The following KIDINS220 variants were observed in gnomAD, a reference collection of about 807,000 sequenced individuals.
KIDINS220 encodes kinase D-interacting substrate of 220 kDa.
KIDINS220 carries 63 observed loss-of-function variants against 157.6 expected under a neutral mutation model. The ratio of observed to expected loss-of-function variants is 0.40; its 90% CI spans 0.33 to 0.49. The LOEUF is 0.49. Among genes scored for constraint, KIDINS220 ranks in the 20% least tolerant of loss-of-function variants. The probability of loss-of-function intolerance (pLI) is 0.66; values close to 1 mark genes in which losing one functional copy is unlikely to be tolerated. For missense variants in KIDINS220, 1,772 were observed against 2,171.2 expected (o/e 0.82, Z 3.65); for synonymous variants, 732 against 783.6 (o/e 0.93, Z 1.10).
chr2:8,747,880 T>C lies in KIDINS220; in HGVS notation c.3528+7A>G, dbSNP rs779841984. ...TTAATATTTGCGTTACCCTTTTATA[T>C]ACTTACTAGGCCATTGTTCTGATCT... On this transcript the variant is annotated splice_region_variant and intron_variant, in intron 25 of 29. Coordinates refer to ENST00000256707, the MANE Select transcript of KIDINS220 (RefSeq NM_020738.4). 2.6e-6 allele frequency: 4 copies of C among 1,536,160 alleles called. No individual in the cohort carries two copies. Among genetic ancestry groups the C allele is most frequent in the Non-Finnish European group, 3.5e-6 (4 of 1,129,668 alleles).
chr2:8,758,853 C>T (rs112066354), intron 22 of KIDINS220, among the ~76,000 whole-genome samples: 1 of 152,150 alleles, frequency 6.6e-6, no homozygotes, highest in Non-Finnish European at 1.5e-5. Context: ...AAAGTAGACA[C>T]TTTGTCTGCC....
At chr2:8,745,347 G>T (rs1666395516) in intron 26 of KIDINS220, among the ~76,000 whole-genome samples, 1 of 152,196 alleles carries the variant, frequency 6.6e-6, no homozygotes, top group African/African-American at 2.4e-5. Context: ...GCACTGAAGA[G>T]AATTATTGTG....
rs1352497028 is a variant in KIDINS220 at position 8,730,982 on chromosome 2, A to C, written c.5054T>G (p.Leu1685Arg). 6.2e-7 allele frequency: 1 copy of C among 1,614,230 alleles called. No individual in the cohort carries two copies. The highest frequency in any genetic ancestry group is 8.5e-7 in the Non-Finnish European group (1 of 1,180,048). The part of the protein sequence containing the change: ...NLNRTPSTVT[L>R]NNNSAPANRA... ...GTTGGCTGGAGCACTATTGTTGTTC[A>C]GAGTCACGGTGCTGGGAGTTCGGTT... Residue 1685 changes from leucine to arginine, a missense_variant, in exon 30 of 30, where the codon CTG becomes CGG. Leu to Arg is a moderately radical substitution (Grantham distance 102). Transcript: ENST00000256707.
At chr2:8,726,066 T>TA (rs1663278215), downstream of KIDINS220, among the ~76,000 whole-genome samples, 1 of 152,234 alleles carries the variant, frequency 6.6e-6, no homozygotes, top group Admixed American at 6.5e-5. Context: ...ATTCATGCTA[T>TA]TGCTCATTTA....
At chr2:8,828,125 C>T (rs185961540) in intron 1 of KIDINS220, among the ~76,000 whole-genome samples, 13 of 152,350 alleles carry the variant, frequency 8.5e-5, no homozygotes, top group Admixed American at 7.8e-4. Context: ...AAGCCTCTCA[C>T]CTGTGTGACA....
chr2:8,765,902 C>G (rs1669424674), intron 22 of KIDINS220, among the ~76,000 whole-genome samples: 1 of 152,046 alleles, frequency 6.6e-6, no homozygotes, highest in East Asian at 1.9e-4. Flanking sequence ...GTGGGATAGC[C>G]AATTACTTTC....
intron 26 of KIDINS220, among the ~76,000 whole-genome samples, chr2:8,745,454 G>T (rs911601128): frequency 1.3e-5 from 2 of 152,104 alleles, no homozygotes; most frequent in African/African-American, 2.4e-5. Context: ...GCACCACAAC[G>T]GTTCTCTTTT....
rs1279941434 is a variant in KIDINS220, at chr2:8,730,807, T to C, written c.5229A>G (p.Thr1743=). 1.9e-6 allele frequency: 3 copies of C among 1,614,142 alleles called. No individual in the cohort carries two copies. Among genetic ancestry groups the C allele is most frequent in the Non-Finnish European group, 2.5e-6 (3 of 1,180,052 alleles). Residue 1743 remains threonine (T), a synonymous_variant, in exon 30 of 30, where the codon ACA becomes ACG. Coordinates refer to ENST00000256707, the MANE Select transcript of KIDINS220 (RefSeq NM_020738.4). ...THKRSQRSSY[T]RLSKDPPELH... is the part of the protein sequence containing the mutation. ...GCTCCGGAGGATCTTTGGAGAGCCT[T>C]GTGTAACTTGAACGTTGGCTTCGCT... is the stretch of plus-strand genomic sequence containing the variant.
intron 22 of KIDINS220, among the ~76,000 whole-genome samples, chr2:8,753,170 C>T (rs1667584658): frequency 6.6e-6 from 1 of 151,850 alleles, no homozygotes; most frequent in Admixed American, 6.6e-5. Flanking sequence ...TGTCCACTAA[C>T]AGATGGAAGG....
At chr2:8,753,765 A>G (rs907834699) in intron 22 of KIDINS220, among the ~76,000 whole-genome samples, 2 of 152,246 alleles carry the variant, frequency 1.3e-5, no homozygotes, top group Non-Finnish European at 2.9e-5. Context: ...CTCAGACCCA[A>G]TACTTGGCTA....
intron 17 of KIDINS220, among the ~76,000 whole-genome samples, chr2:8,782,207 G>A (rs545990773): frequency 5.3e-5 from 8 of 151,992 alleles, no homozygotes; most frequent in Non-Finnish European, 1.2e-4. Flanking sequence ...AAAGTAATCA[G>A]AAGAAAAGAA....
Position 8,770,800 on chromosome 2 carries a change from T to C in KIDINS220, c.2881A>G (p.Asn961Asp). 2 of 1,610,608 alleles carry C rather than the reference T, an allele frequency of 1.2e-6. No individual in the cohort carries two copies. Among genetic ancestry groups the C allele is most frequent in the African/African-American group, 1.3e-5 (1 of 74,928 alleles). The stretch of plus-strand genomic sequence containing the variant: ...ATCCAGCTAGCAAGCCTGTCCCAGT[T>C]GAAACTAATCTGATTGGCTCTCAGT... The part of the protein sequence containing the change: ...RLLRANQISF[N>D]WDRLASWINL... The change falls in exon 22 of 30, where the codon AAC (asparagine) becomes GAC (aspartate). Residue 961 changes from asparagine (N) to aspartate (D), a missense_variant. Physicochemically the swap from Asn to Asp is conservative, Grantham distance 23. This residue lies in a region of KIDINS220 where 725 missense variants were observed against 1,017.1 expected (regional missense o/e 0.71). Transcript: ENST00000256707.
intron 27 of KIDINS220, among the ~76,000 whole-genome samples, chr2:8,735,754 T>C (rs1161164655): frequency 6.6e-6 from 1 of 152,154 alleles, no homozygotes; most frequent in Non-Finnish European, 1.5e-5. Context: ...AAGAAAACAG[T>C]ATACACAGCA....
At chr2:8,828,237 G>C (rs1434869106) in intron 1 of KIDINS220, among the ~76,000 whole-genome samples, 1 of 152,088 alleles carries the variant, frequency 6.6e-6, no homozygotes, top group Non-Finnish European at 1.5e-5. Context: ...TTTTCTGTCT[G>C]CCTAAAATTC....
intron 26 of KIDINS220, among the ~76,000 whole-genome samples, chr2:8,740,348 C>A (rs1665456971): frequency 6.6e-6 from 1 of 152,198 alleles, no homozygotes; most frequent in Non-Finnish European, 1.5e-5. Flanking sequence ...AGCACACATG[C>A]ATGCACACAC....
chr2:8,732,002 AT>A lies in KIDINS220; in HGVS notation c.4054-21del, dbSNP rs773609138. ...TTGTGACTGTGAAGACAGAAAAAAA[AT>A]AATTTAAAAATTCAAATAAGAAGAA... is the stretch of plus-strand genomic sequence containing the variant. On this transcript the variant is annotated intron_variant, in intron 29 of 29. Coordinates refer to ENST00000256707, the MANE Select transcript of KIDINS220 (RefSeq NM_020738.4). 171 of 1,529,464 alleles carry A rather than the reference AT, an allele frequency of 1.1e-4. No individual in the cohort carries two copies. Among genetic ancestry groups the A allele is most frequent in the Admixed American group, 4.2e-4 (19 of 44,924 alleles). The allele number at this position is 1,529,464 out of a possible 1,614,324, so 94.7% of individuals were successfully genotyped here.
chr2:8,727,379 G>T, downstream of KIDINS220: 1 of 491,404 alleles, frequency 2.0e-6, no homozygotes, highest in Non-Finnish European at 2.7e-6. Flanking sequence ...CAAGTCACTC[G>T]CCCATGAAGG....
At chr2:8,789,764 C>A in intron 14 of KIDINS220, 116 bp downstream of exon 14, 2 of 813,452 alleles carry the variant, frequency 2.5e-6, no homozygotes, top group Non-Finnish European at 3.8e-6. Context: ...ATTTTCTCAC[C>A]CAATTATGAA....
intron 28 of KIDINS220, among the ~76,000 whole-genome samples, chr2:8,734,407 G>A (rs1048246919): frequency 2.0e-5 from 3 of 152,098 alleles, no homozygotes; most frequent in Non-Finnish European, 4.4e-5. Flanking sequence ...ACCGGCAGGC[G>A]GCCTCTTCCC....
Sources: gnomAD v4.1 joint callset for allele counts (sites outside exome capture counted in the v4.1 genomes callset) on GRCh38, gnomAD v4.1.1 for gene constraint, gnomAD v4.1.1 regional missense constraint, MANE v1.5 for transcripts, NCBI Gene and HGNC (gene_info 2026-07-23, HGNC 2026-07-21) for gene names.